The following DORIP1 variants were observed in gnomAD, a reference collection of about 807,000 sequenced individuals.
The protein encoded by DORIP1 is dopamine receptor-interacting protein 1.
At chr14:44,900,731 A>T in the DORIP1 span, 1 of 1,614,092 alleles carries the variant, frequency 6.2e-7, no homozygotes. Flanking sequence ...ATGGACACCT[A>T]CAGTTTTACA....
the DORIP1 span, chr14:44,905,427 C>A: frequency 6.4e-7 from 1 of 1,568,306 alleles, no homozygotes; most frequent in Non-Finnish European, 8.7e-7. Flanking sequence ...CTGCAGCTTT[C>A]CAGATTGGTG....
chr14:44,906,746 A>T, the DORIP1 span: 1 of 152,606 alleles, frequency 6.6e-6, no homozygotes, highest in Non-Finnish European at 1.5e-5. Context: ...TATATTTAGA[A>T]GCTCCTACAT....
At chr14:44,905,299 G>A in the DORIP1 span, 5 of 1,055,384 alleles carry the variant, frequency 4.7e-6, no homozygotes, top group Non-Finnish European at 6.6e-6. Context: ...CCTTAGTTAT[G>A]AATTTAAGGA....
the DORIP1 span, among the ~76,000 whole-genome samples, chr14:44,901,668 G>C: frequency 6.6e-6 from 1 of 152,198 alleles, no homozygotes; most frequent in African/African-American, 2.4e-5. Flanking sequence ...ATAGGTCTCT[G>C]TCAGGAGGGC....
At chr14:44,904,408 A>G in the DORIP1 span, 2 of 1,610,728 alleles carry the variant, frequency 1.2e-6, no homozygotes, top group African/African-American at 2.7e-5. Flanking sequence ...TGGTGGCTTA[A>G]GAGAATTTTC....
the DORIP1 span, chr14:44,900,610 A>G: frequency 6.2e-7 from 1 of 1,610,210 alleles, no homozygotes; most frequent in African/African-American, 1.3e-5. Context: ...TACCTGCACC[A>G]TAGATGGATT....
At chr14:44,904,559 AAACT>A in the DORIP1 span, 2 of 1,540,610 alleles carry the variant, frequency 1.3e-6, no homozygotes, top group Admixed American at 2.2e-5. Flanking sequence ...TTTCTTTATA[AAACT>A]AATAAAAAAA....
the DORIP1 span, chr14:44,897,701 C>T: frequency 6.6e-6 from 1 of 152,450 alleles, no homozygotes; most frequent in Non-Finnish European, 1.5e-5. Context: ...GGCGGGGGCG[C>T]CCAGCCGACT....
the DORIP1 span, chr14:44,900,527 G>T: frequency 1.3e-6 from 2 of 1,599,776 alleles, no homozygotes; most frequent in Non-Finnish European, 1.7e-6. Context: ...CCTTGGGGGG[G>T]TGTTTTTACT....
chr14:44,899,823 AATTT>A, the DORIP1 span, among the ~76,000 whole-genome samples: 7 of 134,446 alleles, frequency 5.2e-5, no homozygotes, highest in Middle Eastern at 3.6e-3. Flanking sequence ...TTCATTTAGG[AATTT>A]TTTTTTTTTT....
At chr14:44,900,725 A>C in the DORIP1 span, 1 of 1,614,132 alleles carries the variant, frequency 6.2e-7, no homozygotes, top group Non-Finnish European at 8.5e-7. Flanking sequence ...TACTTAATGG[A>C]CACCTACAGT....
the DORIP1 span, among the ~76,000 whole-genome samples, chr14:44,901,324 T>C: frequency 6.6e-6 from 1 of 152,214 alleles, no homozygotes; most frequent in East Asian, 1.9e-4. Context: ...TCTCAGAATG[T>C]GTCCCCATTG....
At chr14:44,905,208 A>G in the DORIP1 span, 1 of 442,854 alleles carries the variant, frequency 2.3e-6, no homozygotes, top group Non-Finnish European at 3.9e-6. Context: ...TAATTTCCAC[A>G]TTTCCAATTT....
the DORIP1 span, chr14:44,903,866 T>A: frequency 1.0e-6 from 1 of 985,010 alleles, no homozygotes; most frequent in Non-Finnish European, 1.2e-6. Flanking sequence ...CTGGTTAATT[T>A]GGTTTAGTTA....
the DORIP1 span, chr14:44,905,624 T>C: frequency 3.7e-6 from 4 of 1,095,100 alleles, no homozygotes; most frequent in Non-Finnish European, 5.0e-6. Flanking sequence ...ATTTTGTGTA[T>C]ACTTGGTATC....
chr14:44,899,934 C>T, the DORIP1 span, among the ~76,000 whole-genome samples: 2 of 147,768 alleles, frequency 1.4e-5, no homozygotes, highest in Admixed American at 7.0e-5. Flanking sequence ...CAGGTTCAAG[C>T]GATTCTCCTG....
At chr14:44,904,222 G>T in the DORIP1 span, 1 of 985,264 alleles carries the variant, frequency 1.0e-6, no homozygotes, top group Non-Finnish European at 1.2e-6. Flanking sequence ...ATAAACTTCT[G>T]GAACTATTAG....
chr14:44,901,172 T>TA, the DORIP1 span, among the ~76,000 whole-genome samples: 7 of 152,210 alleles, frequency 4.6e-5, no homozygotes, highest in African/African-American at 1.7e-4. Flanking sequence ...GAATTAAGTA[T>TA]AGTAACATGT....
the DORIP1 span, chr14:44,903,626 T>A: frequency 2.7e-5 from 27 of 1,000,856 alleles, no homozygotes; most frequent in Non-Finnish European, 3.2e-5. Context: ...AAATGACAAC[T>A]AAAAAACTTA....
Sources: gnomAD v4.1 joint callset for allele counts (sites outside exome capture counted in the v4.1 genomes callset) on GRCh38, gnomAD v4.1.1 for gene constraint, MANE v1.5 for transcripts, NCBI Gene and HGNC (gene_info 2026-07-23, HGNC 2026-07-21) for gene names.